The following ALG8 variants were observed in gnomAD, a reference collection of about 807,000 sequenced individuals.
ALG8 encodes ALG8 alpha-1,3-glucosyltransferase, also known as dolichyl pyrophosphate Glc1Man9GlcNAc2 alpha-1,3-glucosyltransferase.
A neutral mutation model predicts 70.2 loss-of-function variants in ALG8; 48 were observed. The observed-to-expected ratio is 0.68, with a 90% CI of 0.54 to 0.87. The LOEUF (loss-of-function observed/expected upper bound fraction) is 0.87. Ranked by LOEUF, ALG8 falls within the 40% of genes least tolerant of loss-of-function variation. The probability of loss-of-function intolerance (pLI) is 0.00; values close to 1 mark genes in which losing one functional copy is unlikely to be tolerated. For missense variants in ALG8, 572 were observed against 608.7 expected (o/e 0.94, Z 0.64); for synonymous variants, 234 against 229.0 (o/e 1.02, Z -0.20).
intron 5 of ALG8, among the ~76,000 whole-genome samples, chr11:78,115,194 G>A (rs796521501): frequency 5.9e-5 from 9 of 152,020 alleles, no homozygotes; most frequent in African/African-American, 1.2e-4. Flanking sequence ...CAACACACCC[G>A]GCTAATTTTT....
At chr11:78,124,608 T>G (rs1385800575) in intron 2 of ALG8, among the ~76,000 whole-genome samples, 2 of 152,196 alleles carry the variant, frequency 1.3e-5, no homozygotes, top group Non-Finnish European at 2.9e-5. Context: ...CAACTACACT[T>G]AAAGGAAATT....
At position 78,113,440 on chromosome 11, in the gene ALG8, C is replaced by T. The variant is rs142245217; in HGVS notation, c.777+446G>A. 2.8e-4 allele frequency among the ~76,000 whole-genome samples: 42 copies of T among 152,064 alleles called. 1 individual carries two copies. In the East Asian group the frequency reaches 7.2e-3, roughly 26 times the overall value. On this transcript the variant is annotated intron_variant, in intron 7 of 12. Transcript: ENST00000299626. ...GAATACTACCTTATCGGGCCAAGAG[C>T]GGTGGCTCATGCCTTTAATCCCAGC...
intron 5 of ALG8, chr11:78,114,799 C>T (rs1160189287): frequency 1.1e-5 from 4 of 368,796 alleles, no homozygotes; most frequent in Non-Finnish European, 2.1e-5. Flanking sequence ...GGCCCTGTCT[C>T]TACAAAAAAA....
intron 12 of ALG8, chr11:78,103,399 A>C (rs1237816685): frequency 6.6e-6 from 1 of 152,454 alleles, no homozygotes; most frequent in Non-Finnish European, 1.5e-5. Flanking sequence ...AGGAGGCGGA[A>C]GTTGCAGTGA....
intron 4 of ALG8, among the ~76,000 whole-genome samples, chr11:78,120,468 G>C (rs570836103): frequency 4.0e-5 from 6 of 151,766 alleles, no homozygotes; most frequent in Non-Finnish European, 8.8e-5. Flanking sequence ...TTAAGCCTCA[G>C]AGACATTCAT....
intron 8 of ALG8, among the ~76,000 whole-genome samples, chr11:78,109,902 G>A (rs1860205129): frequency 6.6e-6 from 1 of 152,162 alleles, no homozygotes; most frequent in Non-Finnish European, 1.5e-5. Context: ...TGTCATGAAG[G>A]AACTTTGAAT....
intron 2 of ALG8, among the ~76,000 whole-genome samples, chr11:78,126,951 A>G (rs1036166607): frequency 6.6e-6 from 1 of 151,844 alleles, no homozygotes; most frequent in African/African-American, 2.4e-5. Context: ...CACAATTTTT[A>G]TAAAGATTAA....
In ALG8 at chr11:78,106,708, G is replaced by C. The variant is rs370160938; in HGVS notation, c.1178+99C>G. ...TCTGTTCCTATACATCTTTGTTTTT[G>C]CCTATCCTGGTGAACATGACAAGAA... On this transcript the variant is annotated intron_variant, in intron 10 of 12. Transcript: ENST00000299626. 3.3e-6 allele frequency: 5 copies of C among 1,509,982 alleles called. No individual in the cohort carries two copies. The African/African-American group carries it at 6.9e-5, about 21-fold the overall frequency. 93.5% of individuals were successfully genotyped at this position (1,509,982 alleles called of 1,614,324 possible). A position where few individuals can be genotyped will look rare whatever the true frequency, so the allele number is the denominator to read the frequency against.
In ALG8 at chr11:78,113,861, G is replaced by GAAAAAAAAAAAAAAAAAAAAA. The variant is rs111652232; in HGVS notation, c.777+24_777+25insTTTTTTTTTTTTTTTTTTTTT. 8.0e-6 allele frequency: 10 copies of GAAAAAAAAAAAAAAAAAAAAA among 1,243,378 alleles called. 2 individuals carry two copies. The highest frequency in any genetic ancestry group is 6.3e-5 in the African/African-American group (3 of 47,454). The allele number at this position is 1,243,378 out of a possible 1,614,324, so 77.0% of individuals were successfully genotyped here. ...CACCAACAAAGAACATGTATTAATTGAAAAAAAAAAAAAAAAAGGCTTACC... is the reference window on the plus strand; with the variant it reads ...CACCAACAAAGAACATGTATTAATTGAAAAAAAAAAAAAAAAAAAAAAAAAAAAAAAAAAAAAAGGCTTACC... On this transcript the variant is annotated intron_variant, in intron 7 of 12. Transcript: ENST00000299626.
chr11:78,114,731 C>A, intron 5 of ALG8: 1 of 444,220 alleles, frequency 2.3e-6, no homozygotes, highest in Non-Finnish European at 4.5e-6. Context: ...TTTGGTAAGC[C>A]GACGTGGAAG....
chr11:78,111,475 A>G (rs1388622205), intron 8 of ALG8, among the ~76,000 whole-genome samples: 1 of 152,244 alleles, frequency 6.6e-6, no homozygotes, highest in East Asian at 1.9e-4. Context: ...TACACAGGTG[A>G]GCCTCCAAAC....
chr11:78,125,926 G>C (rs1399725727), intron 2 of ALG8, among the ~76,000 whole-genome samples: 4 of 151,398 alleles, frequency 2.6e-5, no homozygotes, highest in Admixed American at 2.6e-4. Context: ...TTGGGAGGCC[G>C]AGGCGGGCAG....
chr11:78,121,364 C>A (rs1466269598), intron 3 of ALG8, among the ~76,000 whole-genome samples, 190 bp from the exon 4 acceptor site: 1 of 148,834 alleles, frequency 6.7e-6, no homozygotes, highest in Non-Finnish European at 1.5e-5. Flanking sequence ...AGGCTGATCT[C>A]GAACTCCTGG....
At chr11:78,138,912 C>T in intron 1 of ALG8, 1 of 408,188 alleles carries the variant, frequency 2.4e-6, no homozygotes, top group African/African-American at 2.1e-5. Flanking sequence ...AATGCTCTGA[C>T]TTCTTTCCTG....
At chr11:78,110,852 C>T (rs1384935799) in intron 8 of ALG8, among the ~76,000 whole-genome samples, 3 of 152,290 alleles carry the variant, frequency 2.0e-5, no homozygotes, top group East Asian at 1.9e-4. Flanking sequence ...TAATAACTAT[C>T]TCCCTAAAAC....
At position 78,117,088 on chromosome 11, in the gene ALG8, T is replaced by C. The variant is rs553489366; in HGVS notation, c.546+2094A>G. ...GAAAAGTTTATCCAGACATTTATAG[T>C]TGACAAAGAACTTTAGATTATCAAA... On this transcript the variant is annotated intron_variant, in intron 5 of 12. Coordinates refer to ENST00000299626, the MANE Select transcript of ALG8 (RefSeq NM_024079.5). 5.3e-4 allele frequency among the ~76,000 whole-genome samples: 81 copies of C among 152,334 alleles called. 1 individual carries two copies. The South Asian group carries it at 0.016, about 30-fold the overall frequency.
At chr11:78,116,153 A>C (rs535424462) in intron 5 of ALG8, among the ~76,000 whole-genome samples, 2 of 152,212 alleles carry the variant, frequency 1.3e-5, no homozygotes, top group East Asian at 3.9e-4. Context: ...TGAGGTCAGG[A>C]GTTTGAGACC....
chr11:78,101,042 T>A lies in ALG8; in HGVS notation c.1503A>T (p.Val501=). Reference sequence around the variant, plus strand: ...GTTTGAACCAAGCATATGTGATGCCTACTGCACAATACACTGAGGTTAGTA... The same window carrying A: ...GTTTGAACCAAGCATATGTGATGCCAACTGCACAATACACTGAGGTTAGTA... ...PLLLTSVYCA[V]GITYAWFKLY... is the part of the protein sequence containing the mutation. Residue 501 remains valine, a synonymous_variant, in exon 13 of 13, where the codon GTA becomes GTT. Transcript: ENST00000299626. 1 of 1,614,250 alleles carries A rather than the reference T, an allele frequency of 6.2e-7. No individual in the cohort carries two copies. Among genetic ancestry groups the A allele is most frequent in the Non-Finnish European group, 8.5e-7 (1 of 1,180,040 alleles).
At chr11:78,111,374 G>A (rs575425671) in intron 8 of ALG8, among the ~76,000 whole-genome samples, 2 of 152,172 alleles carry the variant, frequency 1.3e-5, no homozygotes, top group Non-Finnish European at 2.9e-5. Context: ...TATAGGTACA[G>A]GTAAAGTACT....
Sources: gnomAD v4.1 joint callset for allele counts (sites outside exome capture counted in the v4.1 genomes callset) on GRCh38, gnomAD v4.1.1 for gene constraint, MANE v1.5 for transcripts, NCBI Gene and HGNC (gene_info 2026-07-23, HGNC 2026-07-21) for gene names.